The following PRRX2 variants were observed in gnomAD, a reference collection of about 807,000 sequenced individuals.
The protein encoded by PRRX2 is paired mesoderm homeobox protein 2.
PRRX2 carries 11 observed loss-of-function variants against 18.0 expected under a neutral mutation model. That is an observed-to-expected ratio of 0.61 (90% CI 0.39 to 1.01). PRRX2 has a LOEUF of 1.01. Among genes scored for constraint, PRRX2 ranks in the 50% least tolerant of loss-of-function variants. The probability of loss-of-function intolerance (pLI) is 0.01; values close to 1 mark genes in which losing one functional copy is unlikely to be tolerated. For synonymous variants in PRRX2, 177 were observed against 154.8 expected (o/e 1.14, Z -1.06); for missense variants, 387 against 351.0 (o/e 1.10, Z -0.82).
intron 1 of PRRX2, among the ~76,000 whole-genome samples, chr9:129,712,093 C>A (rs995001557): frequency 6.6e-6 from 1 of 152,208 alleles, no homozygotes; most frequent in African/African-American, 2.4e-5. Flanking sequence ...ATTTCTCCAG[C>A]TCCGAGGCTC....
chr9:129,720,672 T>G lies in PRRX2; in HGVS notation c.524T>G (p.Leu175Arg), dbSNP rs1484333111. 6 of 1,613,486 alleles carry G rather than the reference T, an allele frequency of 3.7e-6. No individual in the cohort carries two copies. Among genetic ancestry groups the G allele is most frequent in the Middle Eastern group, 3.3e-4 (2 of 6,060 alleles). Residue 175 changes from leucine (L) to arginine (R), a missense_variant, in exon 3 of 4, where the codon CTC becomes CGC. Coordinates refer to ENST00000372469, the MANE Select transcript of PRRX2 (RefSeq NM_016307.4). ...AMLASRSASLLKSYSQEAAIE... is the reference protein window; with the variant it reads ...AMLASRSASLRKSYSQEAAIE... ...CTGGCCAGCCGCTCTGCCTCGCTGC[T>G]CAAGTCCTACAGCCAGGAGGCCGCC...
chr9:129,691,803 C>G (rs779472733), intron 1 of PRRX2, among the ~76,000 whole-genome samples: 14 of 151,920 alleles, frequency 9.2e-5, no homozygotes, highest in Non-Finnish European at 1.5e-4. Context: ...CTCAGCCTCC[C>G]TAACAGCTGG....
intron 1 of PRRX2, among the ~76,000 whole-genome samples, chr9:129,698,454 G>A (rs1832456789): frequency 6.6e-6 from 1 of 152,190 alleles, no homozygotes; most frequent in Admixed American, 6.5e-5. Flanking sequence ...CCTTCCCCAT[G>A]ATCGGGAGGA....
intron 1 of PRRX2, among the ~76,000 whole-genome samples, chr9:129,692,209 C>G (rs566966629): frequency 4.0e-5 from 6 of 151,414 alleles, no homozygotes; most frequent in African/African-American, 1.5e-4. Context: ...CTCTGCCTCC[C>G]AAAGTGCTGG....
At chr9:129,668,778 CAAA>C (rs562855941) in intron 1 of PRRX2, among the ~76,000 whole-genome samples, 3 of 58,660 alleles carry the variant, frequency 5.1e-5, no homozygotes, top group African/African-American at 1.7e-4. Context: ...GACTCCATCT[CAAA>C]AAAAAAAAAA....
At chr9:129,706,929 ATTTGCCTATT>A (rs1457012499) in intron 1 of PRRX2, among the ~76,000 whole-genome samples, 1 of 152,082 alleles carries the variant, frequency 6.6e-6, no homozygotes, top group Admixed American at 6.6e-5. Context: ...ATCTCTATGG[ATTTGCCTATT>A]CTGGACATTT....
chr9:129,686,855 C>T (rs866434408), intron 1 of PRRX2, among the ~76,000 whole-genome samples: 4 of 152,244 alleles, frequency 2.6e-5, no homozygotes, highest in East Asian at 1.9e-4. Flanking sequence ...CTTATTTTTT[C>T]GGGGGAGGGC....
intron 1 of PRRX2, among the ~76,000 whole-genome samples, chr9:129,689,997 C>T (rs1252978204): frequency 6.6e-6 from 1 of 151,890 alleles, no homozygotes; most frequent in African/African-American, 2.4e-5. Context: ...GTGATCCGCC[C>T]GCCTCAGCCT....
At chr9:129,720,175 G>C (rs903446509) in intron 2 of PRRX2, among the ~76,000 whole-genome samples, 69 of 151,696 alleles carry the variant, frequency 4.5e-4, no homozygotes, top group Non-Finnish European at 8.2e-4. Context: ...CTCTCCCCGC[G>C]AGTCCTCAGC....
intron 3 of PRRX2, among the ~76,000 whole-genome samples, chr9:129,721,420 G>A (rs528339729): frequency 7.8e-4 from 118 of 152,254 alleles, no homozygotes; most frequent in African/African-American, 2.7e-3. Flanking sequence ...GGCGCCGTCT[G>A]CTCCTTGGGC....
At chr9:129,702,888 GAGCTGTGGCTGAAATCACCAGAAC>G (rs1339399697) in intron 1 of PRRX2, among the ~76,000 whole-genome samples, 2 of 152,248 alleles carry the variant, frequency 1.3e-5, no homozygotes, top group Non-Finnish European at 2.9e-5. Flanking sequence ...GCAGCTCCCA[GAGCTGTGGCTGAAATCACCAGAAC>G]AGCTGCCCTC....
intron 1 of PRRX2, among the ~76,000 whole-genome samples, chr9:129,683,477 T>C (rs1832258687): frequency 1.3e-5 from 2 of 152,154 alleles, no homozygotes; most frequent in Non-Finnish European, 2.9e-5. Flanking sequence ...GGCTCACGCC[T>C]GTAATCCCAG....
chr9:129,703,463 A>G (rs1308353636), intron 1 of PRRX2, among the ~76,000 whole-genome samples: 2 of 152,124 alleles, frequency 1.3e-5, no homozygotes, highest in East Asian at 3.9e-4. Flanking sequence ...GGCAGCTTTC[A>G]TCCAGATACC....
chr9:129,712,159 G>A (rs12683766), intron 1 of PRRX2, among the ~76,000 whole-genome samples: 10,976 of 152,216 alleles, frequency 0.072, 1,019 homozygotes, highest in East Asian at 0.33. Context: ...CCAAGGACCC[G>A]TTGTTTGTTT....
Position 129,703,916 on chromosome 9 carries a change from G to A in PRRX2, c.260-15315G>A, listed in dbSNP as rs186863019. On this transcript the variant is annotated intron_variant, in intron 1 of 3. Coordinates refer to ENST00000372469, the MANE Select transcript of PRRX2 (RefSeq NM_016307.4). ...CAGAGCCAGGGGCACGGCAGGTCCC[G>A]TCAGCCTCGCAGGCACTGCCCTTGT... is the stretch of plus-strand genomic sequence containing the variant. 1.7e-3 allele frequency among the ~76,000 whole-genome samples: 253 copies of A among 152,344 alleles called. No individual in the cohort carries two copies. The Middle Eastern group carries it at 0.02, about 12-fold the overall frequency.
rs569814791 is a variant in PRRX2 at position 129,706,682 on chromosome 9, C to T, written c.260-12549C>T. Among the ~76,000 whole-genome samples, 4 of 152,158 alleles carry T rather than the reference C, an allele frequency of 2.6e-5. No individual in the cohort carries two copies. In the East Asian group the frequency reaches 5.8e-4, roughly 22 times the overall value. ...GTTCGAGGCTGCAGTAAGCCATGAT[C>T]GCAAAACTGCACTCTAGCCTGAGTG... On this transcript the variant is annotated intron_variant, in intron 1 of 3. Coordinates refer to ENST00000372469, the MANE Select transcript of PRRX2 (RefSeq NM_016307.4).
intron 1 of PRRX2, among the ~76,000 whole-genome samples, chr9:129,702,777 C>T (rs548386029): frequency 3.9e-5 from 6 of 152,236 alleles, no homozygotes; most frequent in African/African-American, 7.2e-5. Flanking sequence ...ACAAGCTTCC[C>T]GGGGAATTCC....
chr9:129,699,729 C>G (rs1481115935), intron 1 of PRRX2, among the ~76,000 whole-genome samples: 1 of 152,146 alleles, frequency 6.6e-6, no homozygotes, highest in Non-Finnish European at 1.5e-5. Flanking sequence ...TCTACATGGT[C>G]CAGCCCAGCT....
intron 1 of PRRX2, among the ~76,000 whole-genome samples, chr9:129,699,091 G>C (rs1221298143): frequency 3.3e-5 from 5 of 152,202 alleles, no homozygotes; most frequent in African/African-American, 9.7e-5. Context: ...TGTGGGAGGT[G>C]ATTTCCCTAG....
Sources: gnomAD v4.1 joint callset for allele counts (sites outside exome capture counted in the v4.1 genomes callset) on GRCh38, gnomAD v4.1.1 for gene constraint, MANE v1.5 for transcripts, NCBI Gene and HGNC (gene_info 2026-07-23, HGNC 2026-07-21) for gene names.